Variants in LARGE1 observed in about 807,000 individuals in gnomAD.
LARGE1 encodes xylosyl- and glucuronyltransferase LARGE1.
In LARGE1, 43 loss-of-function variants were observed where a neutral mutation model predicts 87.6. The observed-to-expected ratio is 0.49, with a 90% CI of 0.38 to 0.63. The LOEUF (loss-of-function observed/expected upper bound fraction) is 0.63, where lower values mean the gene tolerates loss of function less well. Among genes scored for constraint, LARGE1 ranks in the 30% least tolerant of loss-of-function variants. The pLI, the probability that LARGE1 is intolerant of heterozygous loss-of-function variation, is 0.00. For synonymous variants in LARGE1, 434 were observed against 394.6 expected (o/e 1.10, Z -1.18); for missense variants, 802 against 1,000.2 (o/e 0.80, Z 2.67).
intron 6 of LARGE1, among the ~76,000 whole-genome samples, chr22:33,454,864 C>G (rs527912060): frequency 6.6e-6 from 1 of 152,050 alleles, no homozygotes; most frequent in African/African-American, 2.4e-5. Flanking sequence ...CAGCATGAAA[C>G]GGATGGTGCT....
rs142943865 is a variant in LARGE1 at position 33,634,081 on chromosome 22, C to T, written c.409-7755G>A. Among the ~76,000 whole-genome samples, 612 of 152,276 alleles carry T rather than the reference C, an allele frequency of 4.0e-3. 4 individuals are homozygous for T. Among genetic ancestry groups the T allele is most frequent in the African/African-American group, 0.014 (586 of 41,554 alleles). On this transcript the variant is annotated intron_variant, in intron 3 of 14. Transcript: ENST00000397394. ...TCAAACAAATGAGTGCAAGAAAGTG[C>T]CCCTAATAAATCAATGCTTATTAAT...
chr22:33,233,981 T>G (rs951659241), intron 11 of LARGE1, among the ~76,000 whole-genome samples: 1 of 152,190 alleles, frequency 6.6e-6, no homozygotes, highest in African/African-American at 2.4e-5. Flanking sequence ...TTACACTGCC[T>G]CCCATGGACC....
chr22:33,102,249 A>G, the LARGE1 span, among the ~76,000 whole-genome samples: 1 of 150,572 alleles, frequency 6.6e-6, no homozygotes, highest in Non-Finnish European at 1.5e-5. Flanking sequence ...ACTCACTGCA[A>G]CCTCCGCCTC....
intron 6 of LARGE1, among the ~76,000 whole-genome samples, chr22:33,515,654 A>C (rs2071269815): frequency 6.6e-6 from 1 of 152,182 alleles, no homozygotes; most frequent in Admixed American, 6.5e-5. Flanking sequence ...CCCTCATTTT[A>C]TACACTGAAG....
At chr22:33,332,548 T>C (rs1228131642) in intron 10 of LARGE1, among the ~76,000 whole-genome samples, 1 of 152,164 alleles carries the variant, frequency 6.6e-6, no homozygotes, top group Non-Finnish European at 1.5e-5. Context: ...CCATCTAGGA[T>C]CTCAAGTCCA....
chr22:33,482,147 T>G (rs775516762), intron 6 of LARGE1, among the ~76,000 whole-genome samples: 1 of 152,152 alleles, frequency 6.6e-6, no homozygotes, highest in Non-Finnish European at 1.5e-5. Context: ...GAATCAGGAA[T>G]TAGGTAGAAT....
intron 1 of LARGE1, among the ~76,000 whole-genome samples, chr22:33,792,660 A>G (rs561733570): frequency 6.6e-6 from 1 of 152,256 alleles, no homozygotes; most frequent in African/African-American, 2.4e-5. Context: ...AGAATAATCA[A>G]GTCACATATT....
chr22:33,822,736 TA>T (rs916741671), intron 1 of LARGE1, among the ~76,000 whole-genome samples: 4 of 152,108 alleles, frequency 2.6e-5, no homozygotes, highest in African/African-American at 9.7e-5. Context: ...AATGTAAATG[TA>T]AAAAGCTGGT....
At chr22:33,633,706 A>G (rs2080178272) in intron 3 of LARGE1, among the ~76,000 whole-genome samples, 1 of 152,164 alleles carries the variant, frequency 6.6e-6, no homozygotes, top group Admixed American at 6.5e-5. Flanking sequence ...ACCCATTTCA[A>G]CTTGGGCATC....
At chr22:33,222,991 G>A (rs977276457) in intron 11 of LARGE1, among the ~76,000 whole-genome samples, 2 of 152,098 alleles carry the variant, frequency 1.3e-5, no homozygotes, top group East Asian at 1.9e-4. Flanking sequence ...TCACCTGCTC[G>A]CTTACGTGTT....
intron 2 of LARGE1, among the ~76,000 whole-genome samples, chr22:33,731,618 TA>T (rs2083471392): frequency 6.6e-6 from 1 of 151,784 alleles, no homozygotes; most frequent in Non-Finnish European, 1.5e-5. Flanking sequence ...ACAAGATGAG[TA>T]AGTCCTACAG....
At chr22:33,077,996 T>G in the LARGE1 span, among the ~76,000 whole-genome samples, 1 of 152,200 alleles carries the variant, frequency 6.6e-6, no homozygotes, top group East Asian at 1.9e-4. Context: ...CTGCATGTAC[T>G]ATTTGCAATT....
At chr22:33,178,135 C>T (rs969650302) in intron 11 of LARGE1, among the ~76,000 whole-genome samples, 13 of 152,168 alleles carry the variant, frequency 8.5e-5, no homozygotes, top group African/African-American at 3.1e-4. Flanking sequence ...CAGACTAATA[C>T]ATCACTTTTA....
intron 6 of LARGE1, among the ~76,000 whole-genome samples, chr22:33,524,134 T>C (rs2071753195): frequency 6.6e-6 from 1 of 151,654 alleles, no homozygotes; most frequent in Non-Finnish European, 1.5e-5. Context: ...CTACTAAAAA[T>C]ACAAAAATTA....
intron 11 of LARGE1, among the ~76,000 whole-genome samples, chr22:33,177,438 G>A (rs1028862604): frequency 1.8e-4 from 28 of 152,152 alleles, no homozygotes; most frequent in African/African-American, 6.7e-4. Flanking sequence ...TGGCATATCA[G>A]TTCAATGTCA....
chr22:33,433,888 G>C (rs1018937394), intron 6 of LARGE1, among the ~76,000 whole-genome samples: 6 of 152,124 alleles, frequency 3.9e-5, no homozygotes, highest in Admixed American at 2.0e-4. Context: ...ATGGTGTGTG[G>C]GTTTGGGGTA....
intron 7 of LARGE1, among the ~76,000 whole-genome samples, chr22:33,423,679 C>A (rs1224967696): frequency 8.6e-3 from 1,021 of 118,852 alleles, no homozygotes; most frequent in Middle Eastern, 0.01. Context: ...GATTCTGTCT[C>A]AAAAAAAAAA....
chr22:33,489,927 T>A (rs1444717351), intron 6 of LARGE1, among the ~76,000 whole-genome samples: 1 of 152,158 alleles, frequency 6.6e-6, no homozygotes, highest in Non-Finnish European at 1.5e-5. Context: ...GGTGTTGCTG[T>A]CTCTAAAGAG....
the LARGE1 span, among the ~76,000 whole-genome samples, chr22:33,070,446 G>T: frequency 6.6e-6 from 1 of 152,132 alleles, no homozygotes; most frequent in African/African-American, 2.4e-5. Context: ...GGTGGTGGTG[G>T]TGCTACTGGC....
Sources: gnomAD v4.1 joint callset for allele counts (sites outside exome capture counted in the v4.1 genomes callset) on GRCh38, gnomAD v4.1.1 for gene constraint, MANE v1.5 for transcripts, NCBI Gene and HGNC (gene_info 2026-07-23, HGNC 2026-07-21) for gene names.